The following TRDN variants were observed in gnomAD, a reference collection of about 807,000 sequenced individuals.
The protein encoded by TRDN is triadin in skeletal muscle.
TRDN carries 161 observed loss-of-function variants against 149.7 expected under a neutral mutation model. The observed-to-expected ratio is 1.08, with a 90% confidence interval of 0.95 to 1.23. The LOEUF (loss-of-function observed/expected upper bound fraction) is 1.23. Among genes scored for constraint, TRDN ranks in the 50% most tolerant of loss-of-function variants. The pLI is 0.00. For synonymous variants in TRDN, 294 were observed against 250.5 expected (o/e 1.17, Z -1.64); for missense variants, 896 against 823.5 (o/e 1.09, Z -1.08).
At chr6:123,223,277 G>A (rs1265937356) in intron 39 of TRDN, among the ~76,000 whole-genome samples, 1 of 151,618 alleles carries the variant, frequency 6.6e-6, no homozygotes, top group Non-Finnish European at 1.5e-5. Flanking sequence ...CAGACACTGA[G>A]GCCTACCCAA....
At chr6:123,439,396 T>C (rs185457073) in intron 10 of TRDN, among the ~76,000 whole-genome samples, 1 of 152,360 alleles carries the variant, frequency 6.6e-6, no homozygotes, top group East Asian at 1.9e-4. Flanking sequence ...AATTAATATT[T>C]GTTTTCTTTT....
intron 10 of TRDN, among the ~76,000 whole-genome samples, chr6:123,444,504 C>CCATTT (rs1413254714): frequency 1.3e-5 from 2 of 150,690 alleles, no homozygotes; most frequent in African/African-American, 4.9e-5. Context: ...TAATTGAATA[C>CCATTT]CATTTATTTC....
At chr6:123,355,080 C>T (rs1182467873) in intron 20 of TRDN, among the ~76,000 whole-genome samples, 1 of 151,606 alleles carries the variant, frequency 6.6e-6, no homozygotes, top group Non-Finnish European at 1.5e-5. Context: ...ATAACCTCTT[C>T]TGTGGAGTGC....
intron 33 of TRDN, among the ~76,000 whole-genome samples, chr6:123,261,179 T>A (rs1776759907): frequency 6.6e-6 from 1 of 151,808 alleles, no homozygotes; most frequent in South Asian, 2.1e-4. Context: ...TAATGAATTC[T>A]AAATTCAAAA....
chr6:123,223,617 G>C (rs1775234441), intron 39 of TRDN, among the ~76,000 whole-genome samples: 1 of 151,680 alleles, frequency 6.6e-6, no homozygotes. Context: ...TTTCCTGACT[G>C]TTTGTCCTCT....
At chr6:123,633,105 G>A (rs1021433597) in intron 1 of TRDN, among the ~76,000 whole-genome samples, 16 of 152,124 alleles carry the variant, frequency 1.1e-4, no homozygotes, top group Non-Finnish European at 2.4e-4. Context: ...TTGAGAGTTG[G>A]ATATAAGCTC....
At chr6:123,297,556 T>A (rs1324548407) in intron 24 of TRDN, among the ~76,000 whole-genome samples, 2 of 152,096 alleles carry the variant, frequency 1.3e-5, no homozygotes, top group African/African-American at 4.8e-5. Flanking sequence ...AAACATTTAG[T>A]ATGTGCTAAG....
intron 9 of TRDN, among the ~76,000 whole-genome samples, chr6:123,480,244 G>T (rs1400066446): frequency 1.6e-5 from 2 of 123,544 alleles, no homozygotes; most frequent in African/African-American, 2.9e-5. Context: ...GTGACACTCC[G>T]TTTCCAAAAA....
intron 8 of TRDN, chr6:123,501,851 A>T (rs1295188645): frequency 4.3e-6 from 4 of 932,816 alleles, no homozygotes; most frequent in African/African-American, 1.8e-5. Context: ...TGCTGTCTTT[A>T]ATAAATCTGA....
chr6:123,460,651 T>C (rs898642203), intron 10 of TRDN, among the ~76,000 whole-genome samples: 1 of 152,018 alleles, frequency 6.6e-6, no homozygotes, highest in Non-Finnish European at 1.5e-5. Context: ...TTTATTTTAT[T>C]TTTTTACTTC....
chr6:123,232,224 A>G (rs958663233), intron 38 of TRDN, among the ~76,000 whole-genome samples: 3 of 151,866 alleles, frequency 2.0e-5, no homozygotes, highest in Non-Finnish European at 2.9e-5. Flanking sequence ...AAAAAATCCT[A>G]TATTATGAAA....
At chr6:123,577,706 G>A (rs1373412695) in intron 1 of TRDN, among the ~76,000 whole-genome samples, 1 of 152,112 alleles carries the variant, frequency 6.6e-6, no homozygotes, top group African/African-American at 2.4e-5. Flanking sequence ...GTTCTTTGAG[G>A]AATCACCATA....
At chr6:123,400,388 T>TG (rs1269187160) in intron 12 of TRDN, among the ~76,000 whole-genome samples, 1 of 151,286 alleles carries the variant, frequency 6.6e-6, no homozygotes, top group Non-Finnish European at 1.5e-5. Flanking sequence ...CAGTGGGGGA[T>TG]GGGGGTAATG....
chr6:123,428,054 T>C (rs1774196803), intron 12 of TRDN, among the ~76,000 whole-genome samples: 2 of 152,194 alleles, frequency 1.3e-5, no homozygotes, highest in Admixed American at 6.5e-5. Context: ...CATCTAGAAA[T>C]GACTTCTTGA....
intron 38 of TRDN, among the ~76,000 whole-genome samples, chr6:123,242,500 A>G (rs1384631469): frequency 2.6e-5 from 4 of 152,140 alleles, no homozygotes; most frequent in Admixed American, 1.3e-4. Context: ...TCAAATGAAT[A>G]TTTAGAAATT....
At chr6:123,224,032 A>C (rs868183086) in intron 39 of TRDN, 61 bp downstream of exon 39, 1 of 1,485,126 alleles carries the variant, frequency 6.7e-7, no homozygotes, top group Admixed American at 2.1e-5. Flanking sequence ...AAAAAAAGAC[A>C]GACAAAAACC....
intron 10 of TRDN, chr6:123,441,228 C>G (rs1433213138): frequency 6.6e-6 from 1 of 152,012 alleles, no homozygotes; most frequent in East Asian, 1.9e-4. Context: ...AAAAATAACC[C>G]ATGTTTCTTT....
At chr6:123,304,145 G>T (rs1353678569) in intron 24 of TRDN, among the ~76,000 whole-genome samples, 2 of 151,854 alleles carry the variant, frequency 1.3e-5, no homozygotes, top group Admixed American at 1.3e-4. Flanking sequence ...TAAGGAAAAT[G>T]TTTTGCAGAC....
chr6:123,584,700 G>A (rs957209412), intron 1 of TRDN, among the ~76,000 whole-genome samples: 4 of 152,174 alleles, frequency 2.6e-5, no homozygotes, highest in Non-Finnish European at 4.4e-5. Context: ...AGCCTAGTGG[G>A]TGTCAGGGTC....
Sources: allele counts gnomAD v4.1 joint callset (sites outside exome capture counted in the v4.1 genomes callset), GRCh38; gene constraint gnomAD v4.1.1; transcripts MANE v1.5; gene names NCBI Gene and HGNC (gene_info 2026-07-23, HGNC 2026-07-21).